The following ATP11B variants were observed in gnomAD, a reference collection of about 807,000 sequenced individuals.
ATP11B encodes the protein phospholipid-transporting ATPase IF.
A neutral mutation model predicts 157.8 loss-of-function variants in ATP11B; 81 were observed. That is an observed-to-expected ratio of 0.51 (90% CI 0.43 to 0.62). The LOEUF (loss-of-function observed/expected upper bound fraction) is 0.62. Among genes scored for constraint, ATP11B ranks in the 20% least tolerant of loss-of-function variants. ATP11B has a pLI of 0.00. For missense variants in ATP11B, 1,165 were observed against 1,402.2 expected, an observed-to-expected ratio of 0.83 and a Z score of 2.70; for synonymous variants, 451 against 469.4, an observed-to-expected ratio of 0.96 and a Z score of 0.51.
intron 19 of ATP11B, 138 bp downstream of exon 19, chr3:182,874,153 A>G (rs1721864180): frequency 1.5e-6 from 1 of 667,432 alleles, no homozygotes; most frequent in East Asian, 2.7e-5. Context: ...TTTTTGATAG[A>G]TGAAATCCAA....
At chr3:182,806,697 G>C (rs943635896) in intron 1 of ATP11B, among the ~76,000 whole-genome samples, 1 of 151,918 alleles carries the variant, frequency 6.6e-6, no homozygotes, top group Non-Finnish European at 1.5e-5. Context: ...GTTCATTTCT[G>C]TCTGCTCTTT....
intron 28 of ATP11B, among the ~76,000 whole-genome samples, chr3:182,900,824 T>C (rs953808599): frequency 5.3e-5 from 8 of 152,038 alleles, no homozygotes; most frequent in Admixed American, 5.2e-4. Context: ...GGCGGGTGGA[T>C]GGCTTGAGCT....
In ATP11B at chr3:182,898,717, T is replaced by C. The variant is rs753115799; in HGVS notation, c.3263T>C (p.Ile1088Thr). The change falls in exon 28 of 30, where the codon ATC becomes ACC. Residue 1088 changes from isoleucine (I) to threonine (T), a missense_variant. Coordinates refer to ENST00000323116, the MANE Select transcript of ATP11B (RefSeq NM_014616.3). ...GTTGTTACATGTCTATTTCTTGATA[T>C]CATAAAGAAGGTCTTTGACCGACAC... Reference protein sequence around the residue: ...LMVVTCLFLDIIKKVFDRHLH... With the variant: ...LMVVTCLFLDTIKKVFDRHLH... The C allele has an allele frequency of 2.5e-6, 4 of 1,598,090 alleles. No homozygotes were observed. The highest frequency in any genetic ancestry group is 1.1e-5 in the South Asian group (1 of 87,936).
chr3:182,835,920 C>G (rs555332242), intron 4 of ATP11B, 115 bp from the exon 5 acceptor site: 1 of 688,606 alleles, frequency 1.5e-6, no homozygotes, highest in Non-Finnish European at 2.4e-6. Context: ...CAAATAGCCT[C>G]ATATGATTCT....
chr3:182,836,667 T>A, intron 6 of ATP11B, 197 bp downstream of exon 6: 1 of 551,094 alleles, frequency 1.8e-6, no homozygotes, highest in Non-Finnish European at 3.0e-6. Context: ...CACATGGGTT[T>A]AATCCAAGTT....
rs1419173587 is a variant in ATP11B, at chr3:182,920,506, ATTCT to A, written c.*2409_*2412del. On this transcript the variant is annotated 3_prime_UTR_variant, in exon 30 of 30. Coordinates refer to ENST00000323116, the MANE Select transcript of ATP11B (RefSeq NM_014616.3). ...TGTCCCCTTTGCATATTTCTTTAAA[ATTCT>A]TTCTTTGGAAAGTATGATGTTGATA... 1.3e-5 allele frequency: 2 copies of A among 152,260 alleles called. No homozygotes were observed. The highest frequency in any genetic ancestry group is 2.9e-5 in the Non-Finnish European group (2 of 68,046). 9.4% of individuals were successfully genotyped at this position (152,260 alleles called of 1,614,324 possible).
intron 1 of ATP11B, among the ~76,000 whole-genome samples, chr3:182,819,139 C>G (rs1208204816): frequency 1.4e-4 from 20 of 147,800 alleles, no homozygotes; most frequent in Non-Finnish European, 2.2e-4. Context: ...TGCAGTGGCG[C>G]GATTTCGGCT....
intron 1 of ATP11B, among the ~76,000 whole-genome samples, chr3:182,816,100 T>C (rs1421801135): frequency 2.0e-5 from 3 of 152,308 alleles, no homozygotes; most frequent in South Asian, 4.1e-4. Flanking sequence ...TCACCCACTT[T>C]TTTTTTTGAG....
intron 25 of ATP11B, among the ~76,000 whole-genome samples, chr3:182,896,149 C>G (rs910262636): frequency 6.6e-6 from 1 of 152,128 alleles, no homozygotes; most frequent in African/African-American, 2.4e-5. Flanking sequence ...CTCTAAAGCC[C>G]AGGGGAAACT....
At chr3:182,822,835 T>C (rs532366338) in intron 2 of ATP11B, among the ~76,000 whole-genome samples, 4 of 152,318 alleles carry the variant, frequency 2.6e-5, no homozygotes, top group Admixed American at 2.6e-4. Flanking sequence ...TGATATCTCA[T>C]TGTGGTTTTG....
At chr3:182,799,079 T>C (rs1213178728) in intron 1 of ATP11B, among the ~76,000 whole-genome samples, 1 of 152,242 alleles carries the variant, frequency 6.6e-6, no homozygotes, top group Non-Finnish European at 1.5e-5. Context: ...CCAGGCTTTT[T>C]TTCTGTGAGT....
chr3:182,863,267 T>A (rs928895081), intron 12 of ATP11B, among the ~76,000 whole-genome samples: 1 of 152,180 alleles, frequency 6.6e-6, no homozygotes, highest in African/African-American at 2.4e-5. Flanking sequence ...TTAATTCATG[T>A]CACATTTCTT....
At chr3:182,816,065 A>C (rs940418537) in intron 1 of ATP11B, among the ~76,000 whole-genome samples, 1 of 152,036 alleles carries the variant, frequency 6.6e-6, no homozygotes, top group Admixed American at 6.6e-5. Flanking sequence ...GTCTGCCATC[A>C]TGAGACTTTT....
chr3:182,810,433 G>C (rs1178601287), intron 1 of ATP11B, among the ~76,000 whole-genome samples: 1 of 152,012 alleles, frequency 6.6e-6, no homozygotes, highest in East Asian at 1.9e-4. Flanking sequence ...AATAGTTTAG[G>C]ATTTACTGAG....
At chr3:182,862,729 C>G (rs1415447162) in intron 12 of ATP11B, among the ~76,000 whole-genome samples, 1 of 151,946 alleles carries the variant, frequency 6.6e-6, no homozygotes, top group East Asian at 1.9e-4. Context: ...CATCAGTTAC[C>G]ACTCATTCAT....
Position 182,867,388 on chromosome 3 carries a change from G to A in ATP11B, c.1632G>A (p.Val544=). The A allele has an allele frequency of 1.2e-6, 2 of 1,608,232 alleles. No homozygotes were observed. Among genetic ancestry groups the A allele is most frequent in the South Asian group, 1.1e-5 (1 of 90,904 alleles). ...LVEAAARIGI[V]FIGNSEETME... The stretch of plus-strand genomic sequence containing the variant: ...TTTTGATGTCTAGGATTGGTATTGT[G>A]TTTATTGGCAATTCTGAAGAAACTA... The change falls in exon 15 of 30, where the codon GTG becomes GTA. Residue 544 remains valine, a synonymous_variant. Coordinates refer to ENST00000323116, the MANE Select transcript of ATP11B (RefSeq NM_014616.3).
chr3:182,875,982 C>T (rs796404787), intron 19 of ATP11B, among the ~76,000 whole-genome samples: 5 of 152,236 alleles, frequency 3.3e-5, no homozygotes, highest in African/African-American at 7.2e-5. Flanking sequence ...CACAGTAGCT[C>T]ATGCCTGTAA....
intron 27 of ATP11B, 27 bp from the exon 28 acceptor site, chr3:182,898,580 T>G: frequency 1.9e-6 from 3 of 1,564,066 alleles, no homozygotes; most frequent in African/African-American, 2.7e-5. Flanking sequence ...TTTCCACTTT[T>G]ATTAAGCACA....
chr3:182,895,450 G>A (rs892137672), intron 25 of ATP11B, among the ~76,000 whole-genome samples: 26 of 152,134 alleles, frequency 1.7e-4, no homozygotes, highest in African/African-American at 4.8e-4. Flanking sequence ...AGAAAACTGC[G>A]ATTTATCCTC....
Sources: allele counts gnomAD v4.1 joint callset (sites outside exome capture counted in the v4.1 genomes callset), GRCh38; gene constraint gnomAD v4.1.1; transcripts MANE v1.5; gene names NCBI Gene and HGNC (gene_info 2026-07-23, HGNC 2026-07-21).